Variants in SPAG16 observed in about 807,000 individuals in gnomAD.
SPAG16 encodes sperm associated antigen 16.
Under a neutral mutation model 80.4 loss-of-function variants are expected in SPAG16, and 86 were observed. The ratio of observed to expected loss-of-function variants is 1.07; its 90% confidence interval spans 0.90 to 1.28. The LOEUF is 1.28. SPAG16 is among the 50% of genes most tolerant of loss of function. SPAG16 has a pLI of 0.00. For missense variants in SPAG16, 870 were observed against 765.3 expected (o/e 1.14, Z -1.61); for synonymous variants, 294 against 265.9 (o/e 1.11, Z -1.03).
intron 14 of SPAG16, among the ~76,000 whole-genome samples, chr2:214,114,539 T>C (rs190783635): frequency 5.3e-5 from 8 of 152,268 alleles, no homozygotes; most frequent in Non-Finnish European, 1.2e-4. Context: ...GGCTGAAGCC[T>C]CACAGTTGGA....
At chr2:214,344,202 T>G (rs1167196997) in intron 15 of SPAG16, among the ~76,000 whole-genome samples, 2 of 152,156 alleles carry the variant, frequency 1.3e-5, no homozygotes, top group African/African-American at 2.4e-5. Context: ...AACCTTACTT[T>G]CTTGTGTAGA....
intron 10 of SPAG16, among the ~76,000 whole-genome samples, chr2:213,493,743 T>C (rs1393220740): frequency 6.6e-6 from 1 of 152,188 alleles, no homozygotes; most frequent in African/African-American, 2.4e-5. Flanking sequence ...ACTTGGCTAA[T>C]TTTTGTATTT....
intron 15 of SPAG16, among the ~76,000 whole-genome samples, chr2:214,313,954 T>C (rs1031546288): frequency 1.3e-5 from 2 of 152,288 alleles, no homozygotes; most frequent in East Asian, 3.9e-4. Flanking sequence ...TCAAAATATA[T>C]GATTATGCAC....
At chr2:213,924,296 C>A (rs2106220751) in intron 11 of SPAG16, among the ~76,000 whole-genome samples, 1 of 152,312 alleles carries the variant, frequency 6.6e-6, no homozygotes, top group South Asian at 2.1e-4. Context: ...AGCTGGGGGC[C>A]AGGCAGATTT....
chr2:214,374,287 T>C (rs936320733), intron 15 of SPAG16, among the ~76,000 whole-genome samples: 1 of 152,336 alleles, frequency 6.6e-6, no homozygotes, highest in Non-Finnish European at 1.5e-5. Context: ...TCCAGAATGA[T>C]TTTCCTCAGA....
chr2:213,829,929 A>AG (rs1422217382), intron 10 of SPAG16, among the ~76,000 whole-genome samples: 2 of 152,090 alleles, frequency 1.3e-5, no homozygotes, highest in African/African-American at 2.4e-5. Flanking sequence ...AGTGGAAGGA[A>AG]GGGGTCTCTT....
chr2:214,157,529 T>C (rs1307250065), intron 15 of SPAG16, among the ~76,000 whole-genome samples: 2 of 152,216 alleles, frequency 1.3e-5, no homozygotes, highest in South Asian at 2.1e-4. Flanking sequence ...CCTTGAAAAC[T>C]TTAACTAAAA....
At chr2:213,937,430 A>T (rs966885946) in intron 12 of SPAG16, among the ~76,000 whole-genome samples, 3 of 152,044 alleles carry the variant, frequency 2.0e-5, no homozygotes, top group African/African-American at 7.2e-5. Context: ...ATGTTACAGT[A>T]TAAGAAATGG....
intron 13 of SPAG16, among the ~76,000 whole-genome samples, chr2:214,081,411 A>C (rs1054087128): frequency 6.6e-6 from 1 of 152,174 alleles, no homozygotes; most frequent in African/African-American, 2.4e-5. Context: ...TAATTACTTA[A>C]GATTAGATCA....
At chr2:214,393,324 T>C (rs1348305808) in intron 15 of SPAG16, among the ~76,000 whole-genome samples, 2 of 152,188 alleles carry the variant, frequency 1.3e-5, no homozygotes, top group African/African-American at 4.8e-5. Flanking sequence ...AAATTTGGCT[T>C]TGTCTTGCCA....
chr2:213,781,605 C>T (rs369176188), intron 10 of SPAG16, among the ~76,000 whole-genome samples: 42 of 152,104 alleles, frequency 2.8e-4, no homozygotes, highest in African/African-American at 9.2e-4. Context: ...TAAATTCAAA[C>T]GGAAAGCGGT....
chr2:213,949,930 C>A (rs2079660150), intron 12 of SPAG16, among the ~76,000 whole-genome samples: 1 of 152,162 alleles, frequency 6.6e-6, no homozygotes, highest in Non-Finnish European at 1.5e-5. Flanking sequence ...GAGTACAATT[C>A]TTACACGTGT....
intron 10 of SPAG16, among the ~76,000 whole-genome samples, chr2:213,695,843 G>A (rs537451547): frequency 6.6e-6 from 1 of 152,310 alleles, no homozygotes; most frequent in South Asian, 2.1e-4. Context: ...TCAATCAGGA[G>A]CTTAATGTAG....
At chr2:213,940,331 G>T (rs1458827379) in intron 12 of SPAG16, among the ~76,000 whole-genome samples, 1 of 152,096 alleles carries the variant, frequency 6.6e-6, no homozygotes, top group Non-Finnish European at 1.5e-5. Context: ...TTGCTGTGTT[G>T]CCTGGGCTGG....
intron 13 of SPAG16, among the ~76,000 whole-genome samples, chr2:214,043,175 C>T (rs918756368): frequency 4.0e-5 from 6 of 151,426 alleles, no homozygotes; most frequent in Admixed American, 3.3e-4. Flanking sequence ...TTGAGATCAC[C>T]TCATGCAGTG....
chr2:213,592,320 A>G lies in SPAG16; in HGVS notation c.1070+102230A>G, dbSNP rs368955185. Among the ~76,000 whole-genome samples, 67 of 152,300 alleles carry G rather than the reference A, an allele frequency of 4.4e-4. 1 individual carries two copies. The South Asian group carries it at 0.013, about 29-fold the overall frequency. On this transcript the variant is annotated intron_variant, in intron 10 of 15. Coordinates refer to ENST00000331683, the MANE Select transcript of SPAG16 (RefSeq NM_024532.5). Reference sequence around the variant, plus strand: ...TAAATATCTTTATGTCTCAGATTGAATCGCTCTAGTGTTTATTATATCTGT... The same window carrying G: ...TAAATATCTTTATGTCTCAGATTGAGTCGCTCTAGTGTTTATTATATCTGT...
chr2:213,305,504 G>T (rs1299667382), intron 3 of SPAG16, among the ~76,000 whole-genome samples: 5 of 152,080 alleles, frequency 3.3e-5, no homozygotes, highest in African/African-American at 1.2e-4. Flanking sequence ...GTCATATATG[G>T]CGTTTACTGT....
intron 8 of SPAG16, chr2:213,364,496 GA>G (rs2066170006): frequency 6.4e-6 from 1 of 156,998 alleles, no homozygotes; most frequent in South Asian, 2.0e-4. Flanking sequence ...TTGACAGAAG[GA>G]AAATTTATAA....
intron 10 of SPAG16, among the ~76,000 whole-genome samples, chr2:213,761,260 G>A (rs1211112570): frequency 6.6e-6 from 1 of 152,118 alleles, no homozygotes; most frequent in Non-Finnish European, 1.5e-5. Context: ...CAAAACATAT[G>A]GGATGAGGAA....
Sources: gnomAD v4.1 joint callset for allele counts (sites outside exome capture counted in the v4.1 genomes callset) on GRCh38, gnomAD v4.1.1 for gene constraint, MANE v1.5 for transcripts, NCBI Gene and HGNC (gene_info 2026-07-23, HGNC 2026-07-21) for gene names.